PDE4D: variants seen among roughly 807,000 people sequenced by gnomAD.
PDE4D encodes phosphodiesterase 4D, also known as 3',5'-cyclic-AMP phosphodiesterase 4D.
Under a neutral mutation model 87.4 loss-of-function variants are expected in PDE4D, and 24 were observed. The observed-to-expected ratio is 0.27, with a 90% CI of 0.20 to 0.39. The LOEUF (loss-of-function observed/expected upper bound fraction) is 0.39, where lower values mean the gene tolerates loss of function less well. PDE4D is among the 10% of genes least tolerant of loss of function. PDE4D has a pLI of 1.00. For synonymous variants in PDE4D, 384 were observed against 383.2 expected, an observed-to-expected ratio of 1.00 and a Z score of -0.02; for missense variants, 714 against 1,041.0, an observed-to-expected ratio of 0.69 and a Z score of 4.32.
intron 2 of PDE4D, among the ~76,000 whole-genome samples, chr5:60,016,095 G>T (rs1182959148): frequency 6.6e-6 from 1 of 151,302 alleles, no homozygotes; most frequent in African/African-American, 2.4e-5. Flanking sequence ...ATACACACAG[G>T]CATACCTCAA....
At chr5:59,803,916 A>C (rs1767441806) in intron 1 of PDE4D, among the ~76,000 whole-genome samples, 1 of 152,220 alleles carries the variant, frequency 6.6e-6, no homozygotes, top group Non-Finnish European at 1.5e-5. Flanking sequence ...AAACTTGCTG[A>C]TTGCAGGTAC....
intron 1 of PDE4D, among the ~76,000 whole-genome samples, chr5:60,232,958 A>G (rs1484073639): frequency 6.6e-6 from 1 of 151,860 alleles, no homozygotes. Flanking sequence ...CCATACTACT[A>G]ATAGAAAACA....
intron 1 of PDE4D, among the ~76,000 whole-genome samples, chr5:59,581,864 C>T (rs1020848770): frequency 6.6e-6 from 1 of 152,010 alleles, no homozygotes; most frequent in African/African-American, 2.4e-5. Context: ...TTAATAGGAT[C>T]GATATCTCAT....
chr5:59,107,123 TTG>T (rs1040218981), intron 5 of PDE4D, among the ~76,000 whole-genome samples: 7 of 151,884 alleles, frequency 4.6e-5, no homozygotes, highest in African/African-American at 1.7e-4. Flanking sequence ...GTGTGTGTGC[TTG>T]TGTGTGTGTG....
intron 1 of PDE4D, among the ~76,000 whole-genome samples, chr5:59,717,962 T>C (rs1435817468): frequency 6.6e-6 from 1 of 152,230 alleles, no homozygotes; most frequent in Non-Finnish European, 1.5e-5. Flanking sequence ...ATCTTCTGAA[T>C]ATGCTGTAAA....
intron 2 of PDE4D, among the ~76,000 whole-genome samples, chr5:60,082,222 G>A (rs1774034668): frequency 6.6e-6 from 1 of 152,134 alleles, no homozygotes; most frequent in South Asian, 2.1e-4. Flanking sequence ...AGGTAATTAG[G>A]TAATGAAGGC....
chr5:60,324,979 A>G (rs1235335714), intron 1 of PDE4D, among the ~76,000 whole-genome samples: 1 of 152,216 alleles, frequency 6.6e-6, no homozygotes, highest in African/African-American at 2.4e-5. Context: ...CCTGTGCACA[A>G]TGACATAGAA....
At chr5:60,265,248 A>T (rs1231748065) in intron 1 of PDE4D, among the ~76,000 whole-genome samples, 1 of 152,208 alleles carries the variant, frequency 6.6e-6, no homozygotes, top group Non-Finnish European at 1.5e-5. Context: ...CACAGGGGCC[A>T]CACTCAGGAA....
intron 1 of PDE4D, among the ~76,000 whole-genome samples, chr5:60,224,377 A>G (rs1744850777): frequency 6.6e-6 from 1 of 152,024 alleles, no homozygotes; most frequent in South Asian, 2.1e-4. Context: ...TGGCCACAAC[A>G]ATAATTATTT....
intron 7 of PDE4D, 61 bp from the exon 8 acceptor site, chr5:58,992,065 G>T: frequency 9.9e-7 from 1 of 1,008,846 alleles, no homozygotes; most frequent in Non-Finnish European, 1.4e-6. Context: ...TATATCATAT[G>T]CATAATTGGA....
intron 1 of PDE4D, among the ~76,000 whole-genome samples, chr5:59,255,379 A>G (rs986010963): frequency 6.6e-6 from 1 of 152,074 alleles, no homozygotes; most frequent in South Asian, 2.1e-4. Flanking sequence ...AAAAAAACGT[A>G]GATTAGCCGT....
intron 1 of PDE4D, among the ~76,000 whole-genome samples, chr5:60,493,167 C>A (rs1047575398): frequency 1.3e-5 from 2 of 151,916 alleles, no homozygotes; most frequent in Non-Finnish European, 2.9e-5. Context: ...ACATGACACA[C>A]AAGGGGTAAC....
chr5:60,050,106 A>C (rs925436100), intron 2 of PDE4D, among the ~76,000 whole-genome samples: 1 of 152,170 alleles, frequency 6.6e-6, no homozygotes. Context: ...CGCAGTATTC[A>C]GGTGGGAGTG....
chr5:59,865,511 A>G (rs1196626352), intron 1 of PDE4D, among the ~76,000 whole-genome samples: 1 of 152,198 alleles, frequency 6.6e-6, no homozygotes, highest in Non-Finnish European at 1.5e-5. Context: ...AGAAATGTGT[A>G]GCCTAGGTTC....
chr5:59,940,340 T>C (rs116109006), intron 3 of PDE4D, among the ~76,000 whole-genome samples: 1,547 of 152,216 alleles, frequency 0.01, 32 homozygotes, highest in African/African-American at 0.035. Flanking sequence ...AGAGATTAGA[T>C]TGGATACCAG....
chr5:59,675,370 G>C (rs986157190), intron 1 of PDE4D, among the ~76,000 whole-genome samples: 2 of 152,110 alleles, frequency 1.3e-5, no homozygotes, highest in African/African-American at 4.8e-5. Flanking sequence ...GTGTGTCTGC[G>C]AGCTGTAGCG....
At chr5:59,295,860 A>C (rs902708156) in intron 1 of PDE4D, among the ~76,000 whole-genome samples, 1 of 151,934 alleles carries the variant, frequency 6.6e-6, no homozygotes, top group African/African-American at 2.4e-5. Context: ...AAAAAAAAAA[A>C]CAGCTTTGGA....
intron 1 of PDE4D, among the ~76,000 whole-genome samples, chr5:59,820,760 T>C (rs1235411040): frequency 6.6e-6 from 1 of 152,180 alleles, no homozygotes. Context: ...TCCCAATATA[T>C]ATCTATGTAT....
At position 58,973,699 on chromosome 5, in the gene PDE4D, C is replaced by CAA. The variant is rs1743039474; in HGVS notation, c.*963_*964dup. On this transcript the variant is annotated 3_prime_UTR_variant, in exon 15 of 15. Coordinates refer to ENST00000340635, the MANE Select transcript of PDE4D (RefSeq NM_001104631.2). Reference sequence around the variant, plus strand: ...TAACACACATAAAAGTATTATAGAACAAATAGTCACTTTGCACATGAAGAA... The same window carrying CAA: ...TAACACACATAAAAGTATTATAGAACAAAAATAGTCACTTTGCACATGAAGAA... 1 of 152,508 alleles carries CAA rather than the reference C, an allele frequency of 6.6e-6. No individual in the cohort carries two copies. Among genetic ancestry groups the CAA allele is most frequent in the Non-Finnish European group, 1.5e-5 (1 of 68,010 alleles). 9.4% of individuals were successfully genotyped at this position (152,508 alleles called of 1,614,324 possible).
Sources: gnomAD v4.1 joint callset for allele counts (sites outside exome capture counted in the v4.1 genomes callset) on GRCh38, gnomAD v4.1.1 for gene constraint, MANE v1.5 for transcripts, NCBI Gene and HGNC (gene_info 2026-07-23, HGNC 2026-07-21) for gene names.